PLEKHG3: variants seen among roughly 807,000 people sequenced by gnomAD.
PLEKHG3 encodes pleckstrin homology domain-containing family G member 3.
PLEKHG3 carries 62 observed loss-of-function variants against 94.9 expected under a neutral mutation model. That is an observed-to-expected ratio of 0.65 (90% CI 0.53 to 0.81). PLEKHG3 has a LOEUF of 0.81. Ranked by LOEUF, PLEKHG3 falls within the 30% of genes least tolerant of loss-of-function variation. PLEKHG3 has a pLI of 0.00. For missense variants in PLEKHG3, 1,461 were observed against 1,619.3 expected (o/e 0.90, Z 1.68); for synonymous variants, 614 against 654.0 (o/e 0.94, Z 0.93).
Position 64,742,201 on chromosome 14 carries a change from C to T in PLEKHG3, c.2684C>T (p.Thr895Ile). The stretch of plus-strand genomic sequence containing the variant: ...CTGGTGAAGGAGCTGAGCAGCAGTA[C>T]CCAGGGGGAGCTGGTGGCCCCACTG... Reference protein sequence around the residue: ...KELVKELSSSTQGELVAPLHP... With the variant: ...KELVKELSSSIQGELVAPLHP... The change falls in exon 16 of 17, where the codon ACC becomes ATC. Residue 895 changes from threonine to isoleucine, a missense_variant. Coordinates refer to ENST00000247226, the MANE Select transcript of PLEKHG3 (RefSeq NM_001308147.2). The T allele has an allele frequency of 6.2e-7, 1 of 1,613,002 alleles. No homozygotes were observed.
intron 1 of PLEKHG3, among the ~76,000 whole-genome samples, chr14:64,712,530 C>A (rs184208530): frequency 7.0e-4 from 107 of 152,292 alleles, no homozygotes; most frequent in African/African-American, 2.4e-3. Flanking sequence ...ACAAGTCTTA[C>A]ACTTCTTTCG....
rs150640299 is a variant in PLEKHG3 at position 64,741,644 on chromosome 14, C to T, written c.2127C>T (p.Leu709=). 5.6e-6 allele frequency: 9 copies of T among 1,612,866 alleles called. No homozygotes were observed. The highest frequency in any genetic ancestry group is 7.6e-6 in the Non-Finnish European group (9 of 1,180,044). ...CCTGCAAGAAGAAGGAATCAGCACTCTCCACCCGAGACCGGCTGTTGCTAG... is the reference window on the plus strand; with the variant it reads ...CCTGCAAGAAGAAGGAATCAGCACTTTCCACCCGAGACCGGCTGTTGCTAG... ...RSSCKKKESA[L]STRDRLLLDK... The change falls in exon 16 of 17, where the codon CTC becomes CTT. Residue 709 remains leucine, a synonymous_variant. Coordinates refer to ENST00000247226, the MANE Select transcript of PLEKHG3 (RefSeq NM_001308147.2).
rs767445467 is a variant in PLEKHG3 at position 64,741,606 on chromosome 14, CCTGACCGGT to C, written c.2092_2100del (p.Asp698_Ser700del). ...CCCAAGCCCAGGCTGCCCAGTGGAG[CCTGACCGGT>C]CTTCCTGCAAGAAGAAGGAATCAGC... On this transcript the variant is annotated inframe_deletion, in exon 16 of 17. Transcript: ENST00000247226. The C allele has an allele frequency of 1.2e-6, 2 of 1,612,860 alleles. No individual in the cohort carries two copies. Among genetic ancestry groups the C allele is most frequent in the African/African-American group, 2.7e-5 (2 of 74,950 alleles).
At chr14:64,724,336 A>G (rs229646) in intron 1 of PLEKHG3, among the ~76,000 whole-genome samples, 36,591 of 151,760 alleles carry the variant, frequency 0.24, 4,700 homozygotes, top group African/African-American at 0.31. Flanking sequence ...TCAGTGCCTC[A>G]TTTGTTCTTC....
chr14:64,706,468 T>G (rs578132012), intron 1 of PLEKHG3, among the ~76,000 whole-genome samples: 27 of 152,366 alleles, frequency 1.8e-4, no homozygotes, highest in African/African-American at 6.3e-4. Context: ...TTGCCTGCTC[T>G]TCCTCATAGG....
rs1008563609 is a variant in PLEKHG3, at chr14:64,727,886, G to A, written c.255G>A (p.Gly85=). 1.2e-6 allele frequency: 2 copies of A among 1,613,158 alleles called. No individual in the cohort carries two copies. The highest frequency in any genetic ancestry group is 1.7e-6 in the Non-Finnish European group (2 of 1,179,532). Residue 85 remains glycine (G), a synonymous_variant, in exon 2 of 17, where the codon GGG becomes GGA. Coordinates refer to ENST00000247226, the MANE Select transcript of PLEKHG3 (RefSeq NM_001308147.2). This position sits in a 1 kb window ranked among gnomAD's most constrained non-coding sequence, Gnocchi z 6.0. ...CGTTCAACAGCCGGGCAGCGGCAGG[G>A]CCTGCACACCACAAGCTCAGCTACC... The part of the protein sequence containing the change: ...LSPFNSRAAA[G]PAHHKLSYLG...
rs746295408 is a variant in PLEKHG3 at position 64,750,124 on chromosome 14, C to T, written c.*6421C>T. On this transcript the variant is annotated 3_prime_UTR_variant, in exon 17 of 17. Coordinates refer to ENST00000247226, the MANE Select transcript of PLEKHG3 (RefSeq NM_001308147.2). ...CCTTGTAGAAGGTTAGCTCACTGTT[C>T]CTGAGCACACAGTACAGGTTGTTCC... 2.5e-6 allele frequency: 4 copies of T among 1,613,996 alleles called. No homozygotes were observed. Among genetic ancestry groups the T allele is most frequent in the East Asian group, 2.2e-5 (1 of 44,892 alleles).
In PLEKHG3 at chr14:64,744,414, G is replaced by C. The variant is rs939719475; in HGVS notation, c.*711G>C. On this transcript the variant is annotated 3_prime_UTR_variant, in exon 17 of 17. Coordinates refer to ENST00000247226, the MANE Select transcript of PLEKHG3 (RefSeq NM_001308147.2). ...TTATTCATGGGCCAGGGATGTCTTA[G>C]GGAGATGGAGACATGGAGGTTGTTC... 2 of 152,578 alleles carry C rather than the reference G, an allele frequency of 1.3e-5. No homozygotes were observed. Among genetic ancestry groups the C allele is most frequent in the Non-Finnish European group, 2.9e-5 (2 of 68,072 alleles). The allele number at this position is 152,578 out of a possible 1,614,324, so 9.5% of individuals were successfully genotyped here.
At position 64,738,473 on chromosome 14, in the gene PLEKHG3, G is replaced by A. The variant is rs1167622799; in HGVS notation, c.1405-269G>A. ...TGGGGTGGGGTGGTGGGGGCAGGGAGAAGCTAGCACACAGTGGGGCTGGAA... is the reference window on the plus strand; with the variant it reads ...TGGGGTGGGGTGGTGGGGGCAGGGAAAAGCTAGCACACAGTGGGGCTGGAA... On this transcript the variant is annotated intron_variant, in intron 14 of 16. Transcript: ENST00000247226. This position sits in a 1 kb window ranked among gnomAD's most constrained non-coding sequence, Gnocchi z 4.8. Among the ~76,000 whole-genome samples, 1 of 152,240 alleles carries A rather than the reference G, an allele frequency of 6.6e-6. No homozygotes were observed. The highest frequency in any genetic ancestry group is 1.5e-5 in the Non-Finnish European group (1 of 68,034).
In PLEKHG3 at chr14:64,707,713, G is replaced by A. The variant is rs79404622; in HGVS notation, c.-40+3009G>A. Among the ~76,000 whole-genome samples the A allele has an allele frequency of 6.6e-5, 10 of 152,342 alleles. No individual in the cohort carries two copies. In the East Asian group the frequency reaches 9.6e-4, roughly 15 times the overall value. ...CCTGAAGGCGGTATTTTTCTTCATCGCTGCCTTTTCTAACTTGAAGCCCAG... is the reference window on the plus strand; with the variant it reads ...CCTGAAGGCGGTATTTTTCTTCATCACTGCCTTTTCTAACTTGAAGCCCAG... On this transcript the variant is annotated intron_variant, in intron 1 of 16. Coordinates refer to ENST00000247226, the MANE Select transcript of PLEKHG3 (RefSeq NM_001308147.2).
chr14:64,705,003 T>G (rs2080948833), intron 1 of PLEKHG3, among the ~76,000 whole-genome samples: 1 of 152,018 alleles, frequency 6.6e-6, no homozygotes, highest in Non-Finnish European at 1.5e-5. Flanking sequence ...GAGGCTCAGT[T>G]TGAAATCCAG....
In PLEKHG3 at chr14:64,728,961, C is replaced by T. The variant is rs994671100; in HGVS notation, c.352-35C>T. ...GGGAAGGTAGTGGGCAGGGTTGTGC[C>T]GGGGGCTAGGTTCTGACCACCTCCC... is the stretch of plus-strand genomic sequence containing the variant. On this transcript the variant is annotated intron_variant, in intron 2 of 16. Transcript: ENST00000247226. The surrounding 1 kb of genome is among the most constrained non-coding windows in gnomAD (Gnocchi z 5.9). 16 of 846,452 alleles carry T rather than the reference C, an allele frequency of 1.9e-5. No homozygotes were observed. The highest frequency in any genetic ancestry group is 1.0e-4 in the Admixed American group (5 of 48,142). 52.4% of individuals were successfully genotyped at this position (846,452 alleles called of 1,614,324 possible).
intron 15 of PLEKHG3, among the ~76,000 whole-genome samples, chr14:64,740,162 G>A (rs910275978): frequency 3.9e-5 from 6 of 152,050 alleles, no homozygotes; most frequent in Admixed American, 6.6e-5. Context: ...ACCCCATTTC[G>A]GGTGCTCAGA....
chr14:64,749,304 T>C lies in PLEKHG3; in HGVS notation c.*5601T>C, dbSNP rs2139415013. The C allele has an allele frequency of 6.3e-7, 1 of 1,598,288 alleles. No individual in the cohort carries two copies. On this transcript the variant is annotated 3_prime_UTR_variant, in exon 17 of 17. Transcript: ENST00000247226. The surrounding 1 kb of genome is among the most constrained non-coding windows in gnomAD (Gnocchi z 4.7). Reference sequence around the variant, plus strand: ...CTCCGCCGCGCCCGCCAGCCCCACCTGCTACTTCTTTTTGGGGAAGAAGCT... The same window carrying C: ...CTCCGCCGCGCCCGCCAGCCCCACCCGCTACTTCTTTTTGGGGAAGAAGCT...
intron 1 of PLEKHG3, among the ~76,000 whole-genome samples, chr14:64,711,994 C>T (rs1040894987): frequency 6.6e-6 from 1 of 151,912 alleles, no homozygotes; most frequent in Non-Finnish European, 1.5e-5. Flanking sequence ...GGTCTGTGAC[C>T]CATTTTGACT....
intron 12 of PLEKHG3, among the ~76,000 whole-genome samples, chr14:64,734,207 G>A (rs2081527287): frequency 1.3e-5 from 2 of 152,206 alleles, no homozygotes; most frequent in African/African-American, 4.8e-5. Context: ...GGTTGCAAAA[G>A]TTTTATGGTT....
chr14:64,742,533 G>GGGAAAGTGACCTCTAA (rs2081726623), intron 16 of PLEKHG3, 78 bp downstream of exon 16: 2 of 1,092,048 alleles, frequency 1.8e-6, no homozygotes, highest in Admixed American at 5.4e-5. Flanking sequence ...TGGCTCCTCG[G>GGGAAAGTGACCTCTAA]GGAAAGTGAC....
chr14:64,712,746 T>C (rs1272704889), intron 1 of PLEKHG3, among the ~76,000 whole-genome samples: 3 of 152,212 alleles, frequency 2.0e-5, no homozygotes, highest in Non-Finnish European at 4.4e-5. Flanking sequence ...TACAAGTTCA[T>C]GTTATCTATG....
chr14:64,724,909 A>T (rs1039525909), intron 1 of PLEKHG3, among the ~76,000 whole-genome samples: 5 of 152,194 alleles, frequency 3.3e-5, no homozygotes, highest in African/African-American at 1.2e-4. Context: ...AATAGAACCT[A>T]CCTTCTGGAG....
Sources: gnomAD v4.1 joint callset for allele counts (sites outside exome capture counted in the v4.1 genomes callset) on GRCh38, gnomAD v4.1.1 for gene constraint, Gnocchi (gnomAD v3.1) non-coding constraint, MANE v1.5 for transcripts, NCBI Gene and HGNC (gene_info 2026-07-23, HGNC 2026-07-21) for gene names.